The following CDH13 variants were observed in gnomAD, a reference collection of about 807,000 sequenced individuals.
CDH13 encodes cadherin-13.
CDH13 carries 24 observed loss-of-function variants against 63.8 expected under a neutral mutation model. The ratio of observed to expected loss-of-function variants is 0.38; its 90% CI spans 0.27 to 0.53. The LOEUF (loss-of-function observed/expected upper bound fraction) is 0.53, where lower values mean the gene tolerates loss of function less well. Ranked by LOEUF, CDH13 falls within the 20% of genes least tolerant of loss-of-function variation. CDH13 has a pLI of 0.85. For missense variants in CDH13, 1,049 were observed against 903.1 expected (o/e 1.16, Z -2.07); for synonymous variants, 503 against 355.3 (o/e 1.42, Z -4.67).
At chr16:82,649,837 C>G (rs746153117) in intron 1 of CDH13, among the ~76,000 whole-genome samples, 1 of 152,186 alleles carries the variant, frequency 6.6e-6, no homozygotes, top group Non-Finnish European at 1.5e-5. Context: ...CCATAACTGT[C>G]TCTGCTTCCG....
At chr16:83,545,852 A>G (rs758512506) in intron 7 of CDH13, among the ~76,000 whole-genome samples, 4 of 152,206 alleles carry the variant, frequency 2.6e-5, no homozygotes, top group Non-Finnish European at 5.9e-5. Context: ...CCCATGGAGA[A>G]TTGATGGCTC....
intron 5 of CDH13, among the ~76,000 whole-genome samples, chr16:83,239,378 A>G (rs1904296253): frequency 6.6e-6 from 1 of 152,114 alleles, no homozygotes; most frequent in South Asian, 2.1e-4. Context: ...CAGATTATAC[A>G]CCAAAGGCAA....
At chr16:82,817,972 CACAT>C (rs529880777) in intron 1 of CDH13, among the ~76,000 whole-genome samples, 30 of 152,278 alleles carry the variant, frequency 2.0e-4, no homozygotes, top group South Asian at 1.2e-3. Context: ...TATGTATACA[CACAT>C]ACATTTTTAT....
At chr16:82,869,108 G>A (rs552639534) in intron 2 of CDH13, among the ~76,000 whole-genome samples, 2 of 152,196 alleles carry the variant, frequency 1.3e-5, no homozygotes, top group South Asian at 2.1e-4. Context: ...GTGCAGTGGC[G>A]CAATCTCAAC....
chr16:83,613,904 T>A (rs1909069491), intron 8 of CDH13, among the ~76,000 whole-genome samples: 1 of 152,238 alleles, frequency 6.6e-6, no homozygotes. Context: ...CAAATTCTTT[T>A]TTGAATAAAA....
chr16:82,878,395 C>A (rs1339627555), intron 2 of CDH13, among the ~76,000 whole-genome samples: 1 of 151,450 alleles, frequency 6.6e-6, no homozygotes, highest in African/African-American at 2.4e-5. Context: ...TCTAAGACAG[C>A]AAATGCCTCT....
chr16:82,930,208 C>T (rs1393527684), intron 2 of CDH13, among the ~76,000 whole-genome samples: 2 of 151,996 alleles, frequency 1.3e-5, no homozygotes, highest in South Asian at 4.2e-4. Context: ...AACTCCTGGC[C>T]TTAAGAGATT....
intron 10 of CDH13, among the ~76,000 whole-genome samples, chr16:83,714,329 G>T (rs1908562537): frequency 6.6e-6 from 1 of 152,140 alleles, no homozygotes; most frequent in Admixed American, 6.5e-5. Context: ...ATACTTAATA[G>T]AAATGAAATC....
intron 11 of CDH13, among the ~76,000 whole-genome samples, chr16:83,775,473 C>A (rs1444673356): frequency 1.3e-5 from 2 of 149,350 alleles, no homozygotes; most frequent in East Asian, 4.2e-4. Flanking sequence ...CAGACCCCCA[C>A]ATGTTTAGAA....
intron 3 of CDH13, 121 bp downstream of exon 3, chr16:83,032,339 C>G (rs1025242610): frequency 5.3e-5 from 40 of 753,490 alleles, no homozygotes; most frequent in South Asian, 1.0e-4. Flanking sequence ...ATTGTTGTTG[C>G]AAATGACAGA....
At chr16:82,789,244 A>G (rs1404187291) in intron 1 of CDH13, among the ~76,000 whole-genome samples, 1 of 152,206 alleles carries the variant, frequency 6.6e-6, no homozygotes, top group Non-Finnish European at 1.5e-5. Context: ...GAAGTCACGA[A>G]GAGTAGGTGT....
At chr16:82,699,683 C>G (rs184707919) in intron 1 of CDH13, among the ~76,000 whole-genome samples, 26 of 152,340 alleles carry the variant, frequency 1.7e-4, no homozygotes, top group Admixed American at 1.4e-3. Flanking sequence ...TGCATCCTTA[C>G]ACTTAATCCA....
intron 6 of CDH13, among the ~76,000 whole-genome samples, chr16:83,466,080 C>G (rs35265461): frequency 0.055 from 8,357 of 152,276 alleles, 257 homozygotes; most frequent in Non-Finnish European, 0.076. Context: ...GACCACCCCC[C>G]GCAACCCCAT....
At chr16:83,660,006 C>T (rs1036817607) in intron 8 of CDH13, among the ~76,000 whole-genome samples, 4 of 151,944 alleles carry the variant, frequency 2.6e-5, no homozygotes, top group Admixed American at 6.6e-5. Context: ...AGGCTGGCCT[C>T]GAACTCCTGA....
At chr16:82,745,961 A>T (rs916489234) in intron 1 of CDH13, among the ~76,000 whole-genome samples, 1 of 152,060 alleles carries the variant, frequency 6.6e-6, no homozygotes, top group Non-Finnish European at 1.5e-5. Context: ...TGCTTTTCAA[A>T]ACTATTGTTA....
At chr16:82,677,178 G>A (rs1914024624) in intron 1 of CDH13, among the ~76,000 whole-genome samples, 1 of 152,186 alleles carries the variant, frequency 6.6e-6, no homozygotes, top group Admixed American at 6.5e-5. Flanking sequence ...CACTGCGCCT[G>A]GCCTACACAG....
chr16:82,685,709 G>T (rs111618070), intron 1 of CDH13, among the ~76,000 whole-genome samples: 1 of 152,146 alleles, frequency 6.6e-6, no homozygotes, highest in African/African-American at 2.4e-5. Context: ...GTTCAACCCC[G>T]CCTGGCTCAG....
chr16:83,485,179 C>T (rs1224546624), intron 6 of CDH13, among the ~76,000 whole-genome samples: 1 of 152,168 alleles, frequency 6.6e-6, no homozygotes, highest in Non-Finnish European at 1.5e-5. Flanking sequence ...AGGCTGTTTC[C>T]AAATTTTTCA....
At chr16:83,533,954 T>C (rs1404627371) in intron 7 of CDH13, among the ~76,000 whole-genome samples, 1 of 152,180 alleles carries the variant, frequency 6.6e-6, no homozygotes, top group Non-Finnish European at 1.5e-5. Flanking sequence ...GTTGGACTTA[T>C]TTTTAAACTT....
Sources: allele counts gnomAD v4.1 joint callset (sites outside exome capture counted in the v4.1 genomes callset), GRCh38; gene constraint gnomAD v4.1.1; transcripts MANE v1.5; gene names NCBI Gene and HGNC (gene_info 2026-07-23, HGNC 2026-07-21).